Variants in PPP3CC observed in about 807,000 individuals in gnomAD.
PPP3CC encodes serine/threonine-protein phosphatase 2B catalytic subunit gamma isoform.
PPP3CC carries 35 observed loss-of-function variants against 60.3 expected under a neutral mutation model. The ratio of observed to expected loss-of-function variants is 0.58; its 90% CI spans 0.44 to 0.77. PPP3CC has a LOEUF of 0.77. PPP3CC is among the 30% of genes least tolerant of loss of function. PPP3CC has a pLI of 0.00. For synonymous variants in PPP3CC, 206 were observed against 224.3 expected (o/e 0.92, Z 0.73); for missense variants, 570 against 628.9 (o/e 0.91, Z 1.00).
At chr8:22,470,020 G>A (rs1465235186) in intron 1 of PPP3CC, among the ~76,000 whole-genome samples, 1 of 140,180 alleles carries the variant, frequency 7.1e-6, no homozygotes, top group African/African-American at 2.6e-5. Context: ...ATATGATATG[G>A]GTGATATATA....
chr8:22,461,118 A>G (rs1563687141), intron 1 of PPP3CC, among the ~76,000 whole-genome samples: 1 of 152,238 alleles, frequency 6.6e-6, no homozygotes, highest in Admixed American at 6.5e-5. Flanking sequence ...TGCTAGGATT[A>G]CAGGCGTGAG....
rs915570085 is a variant in PPP3CC, at chr8:22,441,389, C to T, written c.-21C>T. On this transcript the variant is annotated 5_prime_UTR_variant, in exon 1 of 14. Coordinates refer to ENST00000240139, the MANE Select transcript of PPP3CC (RefSeq NM_005605.5). ...CGCACGTCCGGCGGGCTCCTGGAGC[C>T]TGGAGGAGGCCGAGGGGACCATGTC... 6.5e-7 allele frequency: 1 copy of T among 1,533,636 alleles called. No individual in the cohort carries two copies. Among genetic ancestry groups the T allele is most frequent in the African/African-American group, 1.4e-5 (1 of 71,022 alleles).
chr8:22,524,921 G>T (rs924293412), intron 8 of PPP3CC, among the ~76,000 whole-genome samples: 2 of 152,186 alleles, frequency 1.3e-5, no homozygotes, highest in Non-Finnish European at 2.9e-5. Flanking sequence ...AGGCCAAGGG[G>T]AGGATCACTT....
At chr8:22,489,871 G>C (rs957395953) in intron 3 of PPP3CC, among the ~76,000 whole-genome samples, 5 of 149,892 alleles carry the variant, frequency 3.3e-5, no homozygotes, top group South Asian at 2.1e-4. Context: ...TCCCAGGCTG[G>C]AGTGCAGTGG....
intron 1 of PPP3CC, among the ~76,000 whole-genome samples, chr8:22,454,900 C>T (rs1419208504): frequency 6.6e-6 from 1 of 151,314 alleles, no homozygotes; most frequent in Non-Finnish European, 1.5e-5. Context: ...ACTAAAAATA[C>T]AAAAAATTAG....
At chr8:22,527,865 C>T (rs1309296335) in intron 9 of PPP3CC, among the ~76,000 whole-genome samples, 1 of 152,160 alleles carries the variant, frequency 6.6e-6, no homozygotes, top group Non-Finnish European at 1.5e-5. Context: ...AAACTCCTGA[C>T]CTTAAGTGAT....
chr8:22,523,583 C>T (rs943719540), intron 8 of PPP3CC: 21 of 429,220 alleles, frequency 4.9e-5, no homozygotes, highest in Admixed American at 4.3e-4. Context: ...ACACCTATTC[C>T]AACAATGCTG....
chr8:22,533,159 C>G, intron 12 of PPP3CC, 141 bp downstream of exon 12: 1 of 544,626 alleles, frequency 1.8e-6, no homozygotes. Context: ...ATCTTCACCC[C>G]TACTTCCCTC....
intron 1 of PPP3CC, among the ~76,000 whole-genome samples, chr8:22,465,684 C>T (rs1837499418): frequency 1.3e-5 from 2 of 152,134 alleles, no homozygotes; most frequent in African/African-American, 4.8e-5. Flanking sequence ...ACTTCTTAGC[C>T]TCCAGAACTA....
intron 1 of PPP3CC, among the ~76,000 whole-genome samples, chr8:22,463,121 TACA>T (rs1837412488): frequency 6.6e-6 from 1 of 152,190 alleles, no homozygotes; most frequent in Non-Finnish European, 1.5e-5. Context: ...CCTAAAATCT[TACA>T]ACAGTGGAGA....
intron 1 of PPP3CC, among the ~76,000 whole-genome samples, chr8:22,461,974 C>G (rs1348009079): frequency 6.6e-6 from 1 of 152,086 alleles, no homozygotes; most frequent in Non-Finnish European, 1.5e-5. Context: ...GTGGCTCACA[C>G]CTTTAATCCC....
chr8:22,514,248 C>CAAAAAAAAAAAAAAAAAAAAAAAA (rs66505760), intron 6 of PPP3CC, among the ~76,000 whole-genome samples: 1 of 89,492 alleles, frequency 1.1e-5, no homozygotes, highest in Non-Finnish European at 2.2e-5. Flanking sequence ...ACTCTGTCTC[C>CAAAAAAAAAAAAAAAAAAAAAAAA]AAAAAAAAAA....
intron 4 of PPP3CC, among the ~76,000 whole-genome samples, chr8:22,502,639 G>C (rs1838795001): frequency 6.6e-6 from 1 of 151,936 alleles, no homozygotes; most frequent in Non-Finnish European, 1.5e-5. Context: ...AGTCAGCTAT[G>C]ATCACCACAC....
chr8:22,463,789 CT>C (rs903248905), intron 1 of PPP3CC, among the ~76,000 whole-genome samples: 194 of 140,504 alleles, frequency 1.4e-3, no homozygotes, highest in Admixed American at 1.9e-3. Context: ...TGTATGTTTT[CT>C]TTTTTTTTTT....
chr8:22,515,780 C>A (rs1431153617), intron 6 of PPP3CC, among the ~76,000 whole-genome samples: 1 of 152,106 alleles, frequency 6.6e-6, no homozygotes, highest in Non-Finnish European at 1.5e-5. Flanking sequence ...TAAGAAATGT[C>A]TATTCAGATA....
At chr8:22,450,146 G>A (rs189173673) in intron 1 of PPP3CC, among the ~76,000 whole-genome samples, 82 of 152,256 alleles carry the variant, frequency 5.4e-4, no homozygotes, top group Middle Eastern at 3.4e-3. Flanking sequence ...TGGGATTACA[G>A]GCGTGAGCCA....
Position 22,510,674 on chromosome 8 carries a change from A to G in PPP3CC, c.485-412A>G, listed in dbSNP as rs1473104054. Among the ~76,000 whole-genome samples the G allele has an allele frequency of 9.8e-5, 15 of 152,322 alleles. No individual in the cohort carries two copies. In the East Asian group the frequency reaches 2.7e-3, roughly 27 times the overall value. ...AGCTCAGGTACAAGGAAATATCCAC[A>G]GTGGGAAGATTAGGGAGCCATCCTG... On this transcript the variant is annotated intron_variant, in intron 4 of 13. Coordinates refer to ENST00000240139, the MANE Select transcript of PPP3CC (RefSeq NM_005605.5).
chr8:22,519,625 C>G (rs1262071245), intron 6 of PPP3CC, among the ~76,000 whole-genome samples: 1 of 152,036 alleles, frequency 6.6e-6, no homozygotes, highest in Non-Finnish European at 1.5e-5. Flanking sequence ...CACTTTAGTC[C>G]CCATTCACAC....
Position 22,540,917 on chromosome 8 carries a change from A to G in PPP3CC, c.*115A>G. Reference sequence around the variant, plus strand: ...AACTTCAACGTGGAGGTGCATTTATAATTCAGTCTGCATTTATTCTGTAAA... The same window carrying G: ...AACTTCAACGTGGAGGTGCATTTATGATTCAGTCTGCATTTATTCTGTAAA... On this transcript the variant is annotated 3_prime_UTR_variant, in exon 14 of 14. Coordinates refer to ENST00000240139, the MANE Select transcript of PPP3CC (RefSeq NM_005605.5). 1 of 948,208 alleles carries G rather than the reference A, an allele frequency of 1.1e-6. No homozygotes were observed. The highest frequency in any genetic ancestry group is 1.5e-6 in the Non-Finnish European group (1 of 685,784). The allele number at this position is 948,208 out of a possible 1,614,324, so 58.7% of individuals were successfully genotyped here. A position where few individuals can be genotyped will look rare whatever the true frequency, so the allele number is the denominator to read the frequency against.
Sources: gnomAD v4.1 joint callset for allele counts (sites outside exome capture counted in the v4.1 genomes callset) on GRCh38, gnomAD v4.1.1 for gene constraint, MANE v1.5 for transcripts, NCBI Gene and HGNC (gene_info 2026-07-23, HGNC 2026-07-21) for gene names.